Variants in SETBP1 observed in about 807,000 individuals in gnomAD.
SETBP1 encodes the protein SET-binding protein.
Under a neutral mutation model 101.0 loss-of-function variants are expected in SETBP1, and 9 were observed. That is an observed-to-expected ratio of 0.09 (90% CI 0.05 to 0.16). The LOEUF (loss-of-function observed/expected upper bound fraction) is 0.16. SETBP1 is among the 10% of genes least tolerant of loss of function. The pLI, the probability that SETBP1 is intolerant of heterozygous loss-of-function variation, is 1.00. For synonymous variants in SETBP1, 818 were observed against 788.5 expected (o/e 1.04, Z -0.63); for missense variants, 1,858 against 2,033.8 (o/e 0.91, Z 1.66).
At chr18:44,933,103 G>T (rs1397024973) in intron 3 of SETBP1, among the ~76,000 whole-genome samples, 1 of 152,156 alleles carries the variant, frequency 6.6e-6, no homozygotes, top group Non-Finnish European at 1.5e-5. Context: ...TTTGGTCTTT[G>T]ATGATGGTGA....
chr18:44,680,246 G>A (rs1224939719), upstream of SETBP1: 3 of 147,250 alleles, frequency 2.0e-5, no homozygotes, highest in Non-Finnish European at 4.5e-5. Flanking sequence ...CGCCCCCCGA[G>A]CTAGGGCGGC....
At chr18:44,991,577 T>A (rs2072378987) in intron 4 of SETBP1, among the ~76,000 whole-genome samples, 1 of 152,138 alleles carries the variant, frequency 6.6e-6, no homozygotes, top group Non-Finnish European at 1.5e-5. Context: ...GATAGAATGT[T>A]CAGTTAAAAC....
At chr18:45,035,237 C>T (rs2073373906) in intron 4 of SETBP1, among the ~76,000 whole-genome samples, 1 of 152,144 alleles carries the variant, frequency 6.6e-6, no homozygotes, top group African/African-American at 2.4e-5. Context: ...AGGATTGTTT[C>T]CATTATCCTT....
At chr18:44,786,673 G>T (rs1259573869) in intron 2 of SETBP1, among the ~76,000 whole-genome samples, 2 of 152,208 alleles carry the variant, frequency 1.3e-5, no homozygotes, top group Non-Finnish European at 2.9e-5. Flanking sequence ...TGGGCAAAGA[G>T]AAACTGCCCC....
At chr18:44,738,632 G>T (rs2070028291) in intron 2 of SETBP1, among the ~76,000 whole-genome samples, 1 of 152,008 alleles carries the variant, frequency 6.6e-6, no homozygotes, top group Admixed American at 6.6e-5. Flanking sequence ...AAACTAGCTG[G>T]GTGTGGTGGC....
chr18:45,031,233 A>G (rs1011852395), intron 4 of SETBP1, among the ~76,000 whole-genome samples: 1 of 152,276 alleles, frequency 6.6e-6, no homozygotes, highest in East Asian at 1.9e-4. Context: ...GTGACCATCT[A>G]GATAATTAAG....
At chr18:44,730,074 C>A (rs1396731903) in intron 2 of SETBP1, among the ~76,000 whole-genome samples, 1 of 152,234 alleles carries the variant, frequency 6.6e-6, no homozygotes, top group African/African-American at 2.4e-5. Context: ...GGAACATCTG[C>A]AGAAGCCTAG....
intron 2 of SETBP1, among the ~76,000 whole-genome samples, chr18:44,722,150 G>GAAATC (rs1482327806): frequency 6.6e-6 from 1 of 152,038 alleles, no homozygotes; most frequent in African/African-American, 2.4e-5. Context: ...ACATGCATGT[G>GAAATC]TGTACCGAAA....
intron 4 of SETBP1, among the ~76,000 whole-genome samples, chr18:44,994,952 T>A (rs1051124136): frequency 6.6e-6 from 1 of 152,080 alleles, no homozygotes; most frequent in Non-Finnish European, 1.5e-5. Context: ...CCCTTCAAGA[T>A]ACTCCCAAGC....
chr18:44,920,401 C>A (rs2070551985), intron 3 of SETBP1, among the ~76,000 whole-genome samples: 1 of 152,160 alleles, frequency 6.6e-6, no homozygotes, highest in Non-Finnish European at 1.5e-5. Flanking sequence ...GATCTGGCAT[C>A]TAGTTTTTGC....
At chr18:44,842,116 C>T (rs1022100195) in intron 2 of SETBP1, among the ~76,000 whole-genome samples, 1 of 152,070 alleles carries the variant, frequency 6.6e-6, no homozygotes, top group African/African-American at 2.4e-5. Context: ...AAGAAGAGAG[C>T]GAGGAAGTAG....
At chr18:44,822,255 G>A (rs2072128395) in intron 2 of SETBP1, among the ~76,000 whole-genome samples, 1 of 152,204 alleles carries the variant, frequency 6.6e-6, no homozygotes, top group Non-Finnish European at 1.5e-5. Context: ...GTTATTGAAG[G>A]TCAGTGTGGT....
chr18:44,956,371 G>A (rs1348217192), intron 4 of SETBP1, among the ~76,000 whole-genome samples: 1 of 152,032 alleles, frequency 6.6e-6, no homozygotes, highest in Admixed American at 6.6e-5. Flanking sequence ...AGAGTGCCAA[G>A]TTCCATGAAA....
chr18:44,680,577 G>A (rs924505771), upstream of SETBP1, among the ~76,000 whole-genome samples: 3 of 152,168 alleles, frequency 2.0e-5, no homozygotes, highest in African/African-American at 7.2e-5. Context: ...CGAGGGGGCG[G>A]GATGCCGGTC....
chr18:45,034,995 T>A (rs2073367668), intron 4 of SETBP1, among the ~76,000 whole-genome samples: 1 of 143,912 alleles, frequency 6.9e-6, no homozygotes, highest in South Asian at 2.1e-4. Flanking sequence ...ACGTTTCAAA[T>A]GCCCCCCCCG....
At chr18:44,850,069 T>C (rs1321864608) in intron 2 of SETBP1, among the ~76,000 whole-genome samples, 1 of 152,220 alleles carries the variant, frequency 6.6e-6, no homozygotes, top group Non-Finnish European at 1.5e-5. Flanking sequence ...CTCCAAAACT[T>C]GATCATTCTT....
At chr18:44,798,176 A>C (rs1438783443) in intron 2 of SETBP1, among the ~76,000 whole-genome samples, 1 of 152,226 alleles carries the variant, frequency 6.6e-6, no homozygotes, top group African/African-American at 2.4e-5. Context: ...CCTTGGGTGC[A>C]GGGATGGACT....
intron 2 of SETBP1, among the ~76,000 whole-genome samples, chr18:44,731,977 C>T (rs756764324): frequency 5.9e-5 from 9 of 152,140 alleles, no homozygotes; most frequent in Non-Finnish European, 1.3e-4. Context: ...TTTTCTCTTC[C>T]TAATGCCTTG....
chr18:44,933,920 T>TGCTCC (rs1188600549), intron 3 of SETBP1, among the ~76,000 whole-genome samples: 1 of 152,186 alleles, frequency 6.6e-6, no homozygotes, highest in Non-Finnish European at 1.5e-5. Context: ...TGCCCTGCCC[T>TGCTCC]GCTCCATGGG....
Sources: allele counts gnomAD v4.1 joint callset (sites outside exome capture counted in the v4.1 genomes callset), GRCh38; gene constraint gnomAD v4.1.1; transcripts MANE v1.5; gene names NCBI Gene and HGNC (gene_info 2026-07-23, HGNC 2026-07-21).